Variants in CLSTN1 observed in about 807,000 individuals in gnomAD.
CLSTN1 encodes the protein calsyntenin 1, also known as calsyntenin-1.
In CLSTN1, 28 loss-of-function variants were observed where a neutral mutation model predicts 108.3. The ratio of observed to expected loss-of-function variants is 0.26; its 90% CI spans 0.19 to 0.35. CLSTN1 has a LOEUF of 0.35. CLSTN1 is among the 10% of genes least tolerant of loss of function. CLSTN1 has a pLI of 1.00. For missense variants in CLSTN1, 1,157 were observed against 1,302.6 expected, an observed-to-expected ratio of 0.89 and a Z score of 1.72; for synonymous variants, 524 against 534.9, an observed-to-expected ratio of 0.98 and a Z score of 0.28.
chr1:9,798,911 G>A (rs537948014), intron 1 of CLSTN1, among the ~76,000 whole-genome samples: 1 of 152,302 alleles, frequency 6.6e-6, no homozygotes, highest in East Asian at 1.9e-4. Context: ...GCGTGTGATG[G>A]CTCGCACCTG....
chr1:9,818,257 A>G (rs1242952269), intron 1 of CLSTN1, among the ~76,000 whole-genome samples: 1 of 151,038 alleles, frequency 6.6e-6, no homozygotes, highest in Admixed American at 6.6e-5. Context: ...CAGTTCACCC[A>G]TCTTGGCCTC....
chr1:9,732,399 C>T (rs935212682), intron 16 of CLSTN1, among the ~76,000 whole-genome samples: 1 of 152,120 alleles, frequency 6.6e-6, no homozygotes, highest in Non-Finnish European at 1.5e-5. Flanking sequence ...AAAGATTATG[C>T]CCAAAACAAG....
intron 1 of CLSTN1, among the ~76,000 whole-genome samples, chr1:9,791,813 T>G (rs1044113401): frequency 6.0e-5 from 9 of 150,704 alleles, no homozygotes; most frequent in African/African-American, 2.2e-4. Context: ...GGATTACAGG[T>G]GTGAGCCACC....
intron 16 of CLSTN1, among the ~76,000 whole-genome samples, chr1:9,732,632 A>G (rs1650467780): frequency 6.6e-6 from 1 of 152,132 alleles, no homozygotes. Flanking sequence ...CTTTGGGTCA[A>G]TTTTCTCCAG....
intron 1 of CLSTN1, among the ~76,000 whole-genome samples, chr1:9,795,546 A>AT (rs1653950888): frequency 6.6e-6 from 1 of 151,136 alleles, no homozygotes; most frequent in Non-Finnish European, 1.5e-5. Context: ...AAGCATGTTT[A>AT]TTTTTATTAA....
intron 4 of CLSTN1, among the ~76,000 whole-genome samples, chr1:9,752,224 G>C (rs761108805): frequency 2.0e-5 from 3 of 152,142 alleles, no homozygotes; most frequent in Non-Finnish European, 2.9e-5. Flanking sequence ...TCAACAAATG[G>C]AAGAGTTCAG....
chr1:9,819,089 C>T (rs983161594), intron 1 of CLSTN1, among the ~76,000 whole-genome samples: 3 of 151,930 alleles, frequency 2.0e-5, no homozygotes, highest in Admixed American at 6.6e-5. Context: ...CCACCGCACC[C>T]GGCCCCTTCA....
At chr1:9,803,902 A>C (rs1654392639) in intron 1 of CLSTN1, among the ~76,000 whole-genome samples, 1 of 152,210 alleles carries the variant, frequency 6.6e-6, no homozygotes, top group Non-Finnish European at 1.5e-5. Flanking sequence ...GAAAAACGAA[A>C]GTGGTAATCT....
intron 1 of CLSTN1, among the ~76,000 whole-genome samples, chr1:9,816,551 AAAG>A (rs1654979635): frequency 1.4e-5 from 2 of 144,184 alleles, no homozygotes; most frequent in Admixed American, 7.3e-5. Flanking sequence ...AAAAAAAAAA[AAAG>A]GAGTGGATGC....
chr1:9,781,796 T>C (rs1653263967), intron 1 of CLSTN1, among the ~76,000 whole-genome samples: 2 of 152,164 alleles, frequency 1.3e-5, no homozygotes, highest in African/African-American at 4.8e-5. Context: ...TTCATATTTA[T>C]GTATTCTTTA....
chr1:9,760,684 G>GTTTTTTTT (rs762619559), intron 2 of CLSTN1, among the ~76,000 whole-genome samples: 1 of 102,408 alleles, frequency 9.8e-6, no homozygotes, highest in African/African-American at 4.3e-5. Context: ...CCATTCCCGG[G>GTTTTTTTT]TTTTTTTTTT....
In CLSTN1 at chr1:9,731,873, G is replaced by T; in HGVS notation, c.2451C>A (p.Asn817Lys). 2.5e-6 allele frequency: 4 copies of T among 1,614,154 alleles called. No individual in the cohort carries two copies. Among genetic ancestry groups the T allele is most frequent in the Non-Finnish European group, 2.5e-6 (3 of 1,180,034 alleles). Reference sequence around the variant, plus strand: ...CCATGTGGTTGGCGTGTTCCATGGGGTTGGCCGTGTGGATTACATTCACCT... The same window carrying T: ...CCATGTGGTTGGCGTGTTCCATGGGTTTGGCCGTGTGGATTACATTCACCT... ...KVEVNVIHTA[N>K]PMEHANHMAA... is the part of the protein sequence containing the mutation. Residue 817 changes from asparagine to lysine, a missense_variant, in exon 17 of 19, where the codon AAC becomes AAA. Physicochemically the swap from Asn to Lys is moderately conservative, Grantham distance 94. Transcript: ENST00000377298.
In CLSTN1 at chr1:9,765,106, T is replaced by C. The variant is rs779315052; in HGVS notation, c.214+8166A>G. Among the ~76,000 whole-genome samples, 2 of 152,156 alleles carry C rather than the reference T, an allele frequency of 1.3e-5. 1 individual carries two copies. Among genetic ancestry groups the C allele is most frequent in the Non-Finnish European group, 2.9e-5 (2 of 68,008 alleles). On this transcript the variant is annotated intron_variant, in intron 2 of 18. Coordinates refer to ENST00000377298, the MANE Select transcript of CLSTN1 (RefSeq NM_001009566.3). ...CTTAATATTTCAACATTTAAAAAAA[T>C]TGGGCCAGGCGCAGTGGCTCAGGCC...
chr1:9,735,391 G>T, intron 13 of CLSTN1, 76 bp downstream of exon 13: 1 of 1,586,926 alleles, frequency 6.3e-7, no homozygotes, highest in Non-Finnish European at 8.6e-7. Context: ...TACAGAAGGG[G>T]TTAGGCTGTC....
chr1:9,778,580 GGTTAA>G, intron 1 of CLSTN1, among the ~76,000 whole-genome samples: 1 of 152,100 alleles, frequency 6.6e-6, no homozygotes, highest in Non-Finnish European at 1.5e-5. Flanking sequence ...GTCTGGAAAA[GGTTAA>G]GTTATGGAAG....
chr1:9,768,772 G>A (rs1461456312), intron 2 of CLSTN1, among the ~76,000 whole-genome samples: 3 of 115,696 alleles, frequency 2.6e-5, no homozygotes, highest in Non-Finnish European at 5.4e-5. Flanking sequence ...TCTGTGTTGG[G>A]TGACACCATG....
rs763416968 is a variant in CLSTN1, at chr1:9,803,060, T to C, written c.91+20583A>G. 3.3e-5 allele frequency among the ~76,000 whole-genome samples: 5 copies of C among 152,220 alleles called. No homozygotes were observed. In the East Asian group the frequency reaches 9.6e-4, roughly 29 times the overall value. ...GCTGGTCTCAAACTCCTGGCTCAAG[T>C]GATCCTCCTGCCTCAGCCTCCCAAA... On this transcript the variant is annotated intron_variant, in intron 1 of 18. Transcript: ENST00000377298.
chr1:9,741,557 C>T (rs1650985094), intron 9 of CLSTN1, among the ~76,000 whole-genome samples: 1 of 152,188 alleles, frequency 6.6e-6, no homozygotes, highest in Non-Finnish European at 1.5e-5. Context: ...AAGCTGGATA[C>T]CCACCCTCGA....
At chr1:9,769,574 T>C (rs1012166066) in intron 2 of CLSTN1, among the ~76,000 whole-genome samples, 5 of 152,170 alleles carry the variant, frequency 3.3e-5, no homozygotes, top group African/African-American at 1.2e-4. Context: ...TTATCCAGAA[T>C]AGAGAAATCT....
Sources: gnomAD v4.1 joint callset for allele counts (sites outside exome capture counted in the v4.1 genomes callset) on GRCh38, gnomAD v4.1.1 for gene constraint, MANE v1.5 for transcripts, NCBI Gene and HGNC (gene_info 2026-07-23, HGNC 2026-07-21) for gene names.